Variants in GAB1 observed in about 807,000 individuals in gnomAD.
GAB1 encodes GRB2-associated-binding protein 1.
In GAB1, 19 loss-of-function variants were observed where a neutral mutation model predicts 66.5. The observed-to-expected ratio is 0.29, with a 90% confidence interval of 0.20 to 0.42. The LOEUF (loss-of-function observed/expected upper bound fraction) is 0.42, where lower values mean the gene tolerates loss of function less well. GAB1 is among the 10% of genes least tolerant of loss of function. The probability of loss-of-function intolerance (pLI) is 1.00; values close to 1 mark genes in which losing one functional copy is unlikely to be tolerated. For missense variants in GAB1, 732 were observed against 858.5 expected (o/e 0.85, Z 1.84); for synonymous variants, 294 against 301.4 (o/e 0.98, Z 0.25).
At chr4:143,394,031 T>C (rs1231290177) in intron 1 of GAB1, among the ~76,000 whole-genome samples, 1 of 152,148 alleles carries the variant, frequency 6.6e-6, no homozygotes, top group Non-Finnish European at 1.5e-5. Flanking sequence ...CCCAGCACTT[T>C]GGGAGGCCAA....
chr4:143,463,574 G>A (rs1578757499), intron 8 of GAB1, among the ~76,000 whole-genome samples: 2 of 138,092 alleles, frequency 1.4e-5, no homozygotes, highest in Non-Finnish European at 3.0e-5. Flanking sequence ...AGTGAGCCGA[G>A]ATCAAGCCAC....
In GAB1 at chr4:143,415,576, C is replaced by T. The variant is rs1363184155; in HGVS notation, c.172C>T (p.Arg58Cys). 3 of 1,612,932 alleles carry T rather than the reference C, an allele frequency of 1.9e-6. No individual in the cohort carries two copies. Among genetic ancestry groups the T allele is most frequent in the South Asian group, 1.1e-5 (1 of 91,040 alleles). ...YKNDHAKKPI[R>C]IIDLNLCQQV... ...AAATGATCATGCCAAGAAGCCTATTCGTATTATTGATTTAAATTTATGTCA... is the reference window on the plus strand; with the variant it reads ...AAATGATCATGCCAAGAAGCCTATTTGTATTATTGATTTAAATTTATGTCA... Residue 58 changes from arginine to cysteine, a missense_variant, in exon 2 of 10, where the codon CGT (arginine) becomes TGT (cysteine). Coordinates refer to ENST00000262994, the MANE Select transcript of GAB1 (RefSeq NM_002039.4).
In GAB1 at chr4:143,440,261, A is replaced by C. The variant is rs575472891; in HGVS notation, c.1464A>C (p.Gln488His). ...TTGATTTTTCCTCATTTGGAATGCA[A>C]GTTCCTCCTCCTGCTCATATGGGCT... ...GTFDFSSFGM[Q>H]VPPPAHMGFR... Residue 488 changes from glutamine (Q) to histidine (H), a missense_variant, in exon 6 of 10, where the codon CAA becomes CAC. By Grantham distance (24) the Gln-to-His change is conservative (BLOSUM62 0). This residue lies in a region of GAB1 where 204 missense variants were observed against 276.8 expected (regional missense o/e 0.74). Coordinates refer to ENST00000262994, the MANE Select transcript of GAB1 (RefSeq NM_002039.4). 3.1e-6 allele frequency: 5 copies of C among 1,614,156 alleles called. No individual in the cohort carries two copies. Among genetic ancestry groups the C allele is most frequent in the East Asian group, 4.5e-5 (2 of 44,872 alleles).
At chr4:143,444,432 T>G (rs1030149824) in intron 6 of GAB1, among the ~76,000 whole-genome samples, 4 of 152,174 alleles carry the variant, frequency 2.6e-5, no homozygotes, top group Non-Finnish European at 5.9e-5. Flanking sequence ...TAAAGTACCT[T>G]CAAGCTTAGA....
Position 143,337,216 on chromosome 4 carries a change from G to T in GAB1, c.28G>T (p.Gly10Ter). 6.3e-7 allele frequency: 1 copy of T among 1,585,710 alleles called. No individual in the cohort carries two copies. The highest frequency in any genetic ancestry group is 8.6e-7 in the Non-Finnish European group (1 of 1,165,948). The stretch of plus-strand genomic sequence containing the variant: ...GAGCGGTGGTGAAGTGGTCTGCTCC[G>T]GATGGCTCCGCAAGTCCCCCCCGGA... MSGGEVVCS[G>*]WLRKSPPEKK... The change falls in exon 1 of 10, where the codon GGA becomes TGA. Residue 10 changes from glycine to a stop codon, truncating the protein, a stop_gained. Coordinates refer to ENST00000262994, the MANE Select transcript of GAB1 (RefSeq NM_002039.4). LOFTEE classifies it high-confidence loss of function.
intron 1 of GAB1, among the ~76,000 whole-genome samples, chr4:143,405,789 G>A (rs1460129781): frequency 6.6e-6 from 1 of 152,144 alleles, no homozygotes; most frequent in Non-Finnish European, 1.5e-5. Context: ...ACATCTTGGA[G>A]TAGTCAGCTT....
chr4:143,427,319 C>A (rs1189186411), intron 2 of GAB1, among the ~76,000 whole-genome samples: 1 of 152,160 alleles, frequency 6.6e-6, no homozygotes, highest in East Asian at 1.9e-4. Flanking sequence ...AGATCCCCCT[C>A]AGAGGCTTAT....
chr4:143,350,020 A>G, intron 1 of GAB1: 2 of 1,562,392 alleles, frequency 1.3e-6, no homozygotes, highest in Non-Finnish European at 1.7e-6. Flanking sequence ...CCGGCCCCGG[A>G]TGCCACTGCC....
chr4:143,399,176 G>A (rs1731617315), intron 1 of GAB1, among the ~76,000 whole-genome samples: 1 of 152,196 alleles, frequency 6.6e-6, no homozygotes, highest in Non-Finnish European at 1.5e-5. Flanking sequence ...AAAACCAAAA[G>A]TAAAGTGGCC....
chr4:143,432,670 T>A (rs935424474), intron 2 of GAB1, among the ~76,000 whole-genome samples: 1 of 152,188 alleles, frequency 6.6e-6, no homozygotes, highest in East Asian at 1.9e-4. Flanking sequence ...CTTCTATTCC[T>A]AAACAGACTA....
At chr4:143,344,570 G>C (rs1299393297) in intron 1 of GAB1, among the ~76,000 whole-genome samples, 1 of 152,152 alleles carries the variant, frequency 6.6e-6, no homozygotes, top group African/African-American at 2.4e-5. Context: ...CTGGCAAAAA[G>C]TGGCCCATTG....
Position 143,349,192 on chromosome 4 carries a change from G to A in GAB1, c.72+11932G>A, listed in dbSNP as rs115825449. 439 of 516,008 alleles carry A rather than the reference G, an allele frequency of 8.5e-4. 4 individuals carry two copies. The highest frequency in any genetic ancestry group is 7.9e-3 in the African/African-American group (405 of 51,550). 32.0% of individuals were successfully genotyped at this position (516,008 alleles called of 1,614,324 possible). ...TTCCTAGATTAAAATATTCTAACCT[G>A]GAGTAGTTATATATTATTTTTCATT... On this transcript the variant is annotated intron_variant, in intron 1 of 9. Transcript: ENST00000262994.
chr4:143,355,176 T>A (rs892552167), intron 1 of GAB1, among the ~76,000 whole-genome samples: 16 of 152,200 alleles, frequency 1.1e-4, no homozygotes, highest in South Asian at 2.1e-4. Context: ...CTATTCTTAA[T>A]TTAGGCCTAG....
intron 1 of GAB1, among the ~76,000 whole-genome samples, chr4:143,374,863 T>A (rs1202645257): frequency 2.6e-5 from 4 of 152,214 alleles, no homozygotes; most frequent in African/African-American, 7.2e-5. Flanking sequence ...ACATCTGGCC[T>A]TCCTTACTTA....
intron 1 of GAB1, among the ~76,000 whole-genome samples, chr4:143,390,049 T>C (rs1731108558): frequency 1.3e-5 from 2 of 152,174 alleles, no homozygotes; most frequent in South Asian, 2.1e-4. Flanking sequence ...ATAAACATAA[T>C]ATTAGACACA....
intron 1 of GAB1, among the ~76,000 whole-genome samples, chr4:143,346,889 C>T (rs1417184408): frequency 6.6e-6 from 1 of 152,110 alleles, no homozygotes; most frequent in Non-Finnish European, 1.5e-5. Flanking sequence ...CATTTACCTC[C>T]AAAGAAAAAG....
chr4:143,401,842 C>T (rs891071474), intron 1 of GAB1, among the ~76,000 whole-genome samples: 8 of 129,320 alleles, frequency 6.2e-5, no homozygotes, highest in African/African-American at 1.4e-4. Context: ...GTATAATTTT[C>T]GCCTTCACTT....
At chr4:143,394,914 A>C (rs1731364334) in intron 1 of GAB1, 1 of 152,162 alleles carries the variant, frequency 6.6e-6, no homozygotes, top group African/African-American at 2.4e-5. Flanking sequence ...CTTTGCATGA[A>C]GATTACACAG....
intron 2 of GAB1, chr4:143,417,395 T>C: frequency 2.4e-6 from 1 of 421,678 alleles, no homozygotes. Context: ...CTCGGGTACT[T>C]TTTTATTATT....
Sources: gnomAD v4.1 joint callset for allele counts (sites outside exome capture counted in the v4.1 genomes callset) on GRCh38, gnomAD v4.1.1 for gene constraint, gnomAD v4.1.1 regional missense constraint, MANE v1.5 for transcripts, NCBI Gene and HGNC (gene_info 2026-07-23, HGNC 2026-07-21) for gene names.